Variants in CACUL1 observed in about 807,000 individuals in gnomAD.
CACUL1 encodes CDK2 associated cullin domain 1.
CACUL1 carries 13 observed loss-of-function variants against 45.2 expected under a neutral mutation model. The ratio of observed to expected loss-of-function variants is 0.29; its 90% confidence interval spans 0.19 to 0.46. The LOEUF (loss-of-function observed/expected upper bound fraction) is 0.46, where lower values mean the gene tolerates loss of function less well. Ranked by LOEUF, CACUL1 falls within the 20% of genes least tolerant of loss-of-function variation. The probability of loss-of-function intolerance (pLI) is 1.00; values close to 1 mark genes in which losing one functional copy is unlikely to be tolerated. For synonymous variants in CACUL1, 197 were observed against 174.2 expected (o/e 1.13, Z -1.03); for missense variants, 421 against 471.4 (o/e 0.89, Z 0.99).
At chr10:118,699,649 A>T (rs1589604588) in intron 5 of CACUL1, among the ~76,000 whole-genome samples, 1 of 149,120 alleles carries the variant, frequency 6.7e-6, no homozygotes, top group South Asian at 2.1e-4. Context: ...TCATGAGACA[A>T]TTTTTTTTTT....
chr10:118,754,401 T>TTGGAGG lies in CACUL1; in HGVS notation c.356_361dup (p.Thr119_Ser120dup). On this transcript the variant is annotated inframe_insertion, in exon 1 of 9. Transcript: ENST00000369151. ...CAGGGAAAGGCTGGACTCACAGAAC[T>TTGGAGG]TGGAGGTGGAGGTGTTGATGTTGAT... The TTGGAGG allele has an allele frequency of 6.4e-7, 1 of 1,560,910 alleles. No individual in the cohort carries two copies.
At position 118,680,363 on chromosome 10, in the gene CACUL1, G is replaced by A. The variant is rs1845141542; in HGVS notation, c.*5765C>T. On this transcript the variant is annotated 3_prime_UTR_variant, in exon 9 of 9. Transcript: ENST00000369151. The stretch of plus-strand genomic sequence containing the variant: ...GGGCAGGGGAGTGAAAATGGAAATT[G>A]TCAGAGTCACTGAATTCTGCCACAT... The A allele has an allele frequency of 6.6e-6, 1 of 152,180 alleles. No individual in the cohort carries two copies. The highest frequency in any genetic ancestry group is 1.5e-5 in the Non-Finnish European group (1 of 68,024). 9.4% of individuals were successfully genotyped at this position (152,180 alleles called of 1,614,324 possible). A position where few individuals can be genotyped will look rare whatever the true frequency, so the allele number is the denominator to read the frequency against.
At chr10:118,686,208 A>T in intron 8 of CACUL1, 40 bp from the exon 9 acceptor site, 1 of 1,533,750 alleles carries the variant, frequency 6.5e-7, no homozygotes, top group Non-Finnish European at 9.0e-7. Flanking sequence ...TGAAGAGCAG[A>T]CAGCATTTGA....
At position 118,754,701 on chromosome 10, in the gene CACUL1, T is replaced by C. The variant is rs754543923; in HGVS notation, c.62A>G (p.Asn21Ser). 1.2e-6 allele frequency: 2 copies of C among 1,607,412 alleles called. No homozygotes were observed. Among genetic ancestry groups the C allele is most frequent in the East Asian group, 4.6e-5 (2 of 43,750 alleles). ...GSYEAMMDDQNHNNWEAAVDG... is the reference protein window; with the variant it reads ...GSYEAMMDDQSHNNWEAAVDG... Reference sequence around the variant, plus strand: ...CACCGCAGCCTCCCAGTTGTTGTGGTTCTGGTCGTCCATCATCGCCTCGTA... The same window carrying C: ...CACCGCAGCCTCCCAGTTGTTGTGGCTCTGGTCGTCCATCATCGCCTCGTA... The change falls in exon 1 of 9, where the codon AAC (asparagine) becomes AGC (serine). Residue 21 changes from asparagine (N) to serine (S), a missense_variant. By Grantham distance (46) the Asn-to-Ser change is conservative. Transcript: ENST00000369151.
intron 7 of CACUL1, among the ~76,000 whole-genome samples, chr10:118,690,671 G>A (rs183946898): frequency 1.1e-3 from 160 of 152,302 alleles, no homozygotes; most frequent in African/African-American, 3.8e-3. Context: ...TATATGCACA[G>A]GACTAATACA....
At chr10:118,751,603 C>G (rs553055840) in intron 1 of CACUL1, among the ~76,000 whole-genome samples, 257 of 152,266 alleles carry the variant, frequency 1.7e-3, no homozygotes, top group Middle Eastern at 3.4e-3. Flanking sequence ...TAACTACAGC[C>G]TTGACATCTT....
At chr10:118,740,125 C>T (rs1228974890) in intron 1 of CACUL1, among the ~76,000 whole-genome samples, 1 of 150,236 alleles carries the variant, frequency 6.7e-6, no homozygotes, top group Admixed American at 6.6e-5. Context: ...CCAGCCTGGG[C>T]GACAGAGCGG....
intron 6 of CACUL1, chr10:118,693,775 T>C (rs1344100947): frequency 4.4e-6 from 2 of 456,012 alleles, no homozygotes; most frequent in African/African-American, 2.0e-5. Context: ...TATCAGTTTA[T>C]TGGACATATG....
chr10:118,750,355 A>G (rs959652157), intron 1 of CACUL1, among the ~76,000 whole-genome samples: 6 of 152,076 alleles, frequency 3.9e-5, no homozygotes, highest in Non-Finnish European at 8.8e-5. Flanking sequence ...TAATTATGAC[A>G]TTCTTATTTC....
At chr10:118,720,343 T>C (rs1845588338) in intron 3 of CACUL1, among the ~76,000 whole-genome samples, 1 of 152,214 alleles carries the variant, frequency 6.6e-6, no homozygotes, top group Admixed American at 6.5e-5. Context: ...GGCTGACTTC[T>C]CACTTCCCCA....
chr10:118,704,762 G>A (rs542157942), intron 4 of CACUL1, among the ~76,000 whole-genome samples: 2 of 152,288 alleles, frequency 1.3e-5, no homozygotes, highest in East Asian at 3.9e-4. Flanking sequence ...AGGTGGGGGT[G>A]GGGGGAGCAC....
chr10:118,709,319 T>A (rs1845463264), intron 3 of CACUL1, among the ~76,000 whole-genome samples: 1 of 152,228 alleles, frequency 6.6e-6, no homozygotes, highest in African/African-American at 2.4e-5. Context: ...CTGTATTTTG[T>A]TGTGGCAGCC....
chr10:118,743,637 G>A (rs902669329), intron 1 of CACUL1, among the ~76,000 whole-genome samples: 7 of 152,120 alleles, frequency 4.6e-5, no homozygotes, highest in Admixed American at 1.3e-4. Flanking sequence ...GCTGAGGCAG[G>A]AGAATCACTT....
intron 1 of CACUL1, among the ~76,000 whole-genome samples, chr10:118,740,247 C>T (rs868622617): frequency 1.3e-5 from 2 of 152,318 alleles, no homozygotes; most frequent in Middle Eastern, 3.4e-3. Flanking sequence ...AAAATGTAAT[C>T]TCAGTACACT....
At chr10:118,708,297 T>C (rs535282066) in intron 3 of CACUL1, among the ~76,000 whole-genome samples, 1 of 152,306 alleles carries the variant, frequency 6.6e-6, no homozygotes, top group African/African-American at 2.4e-5. Flanking sequence ...AGGCTTAATG[T>C]ACTATTAGAA....
chr10:118,754,361 G>A (rs1404631036), intron 1 of CACUL1, 35 bp downstream of exon 1: 1 of 1,470,184 alleles, frequency 6.8e-7, no homozygotes, highest in Non-Finnish European at 9.0e-7. Context: ...GTGAGGTGGA[G>A]AAAAGCCAAG....
In CACUL1 at chr10:118,683,195, G is replaced by C. The variant is rs898553256; in HGVS notation, c.*2933C>G. ...TCATTTTTTCAAGATGACTGACCCG[G>C]CTTTCCTTTTAAGGAGCCAGTTTCA... is the stretch of plus-strand genomic sequence containing the variant. On this transcript the variant is annotated 3_prime_UTR_variant, in exon 9 of 9. Coordinates refer to ENST00000369151, the MANE Select transcript of CACUL1 (RefSeq NM_153810.5). The C allele has an allele frequency of 6.6e-6, 1 of 152,056 alleles. No homozygotes were observed. The highest frequency in any genetic ancestry group is 1.5e-5 in the Non-Finnish European group (1 of 68,008). The allele number at this position is 152,056 out of a possible 1,614,324, so 9.4% of individuals were successfully genotyped here.
intron 5 of CACUL1, among the ~76,000 whole-genome samples, chr10:118,699,686 C>T (rs1845358800): frequency 6.6e-6 from 1 of 152,056 alleles, no homozygotes; most frequent in African/African-American, 2.4e-5. Flanking sequence ...GCTCTGTCGC[C>T]CAGGCTGGAG....
At chr10:118,700,716 C>CAAAAAAAA (rs59032746) in intron 5 of CACUL1, among the ~76,000 whole-genome samples, 79 of 132,820 alleles carry the variant, frequency 5.9e-4, no homozygotes, top group Admixed American at 8.0e-4. Context: ...GACTCCGTCT[C>CAAAAAAAA]AAAAAAAAAA....
Sources: gnomAD v4.1 joint callset for allele counts (sites outside exome capture counted in the v4.1 genomes callset) on GRCh38, gnomAD v4.1.1 for gene constraint, MANE v1.5 for transcripts, NCBI Gene and HGNC (gene_info 2026-07-23, HGNC 2026-07-21) for gene names.